The following KCNQ5 variants were observed in gnomAD, a reference collection of about 807,000 sequenced individuals.
KCNQ5 encodes the protein potassium voltage-gated channel subfamily KQT member 5.
KCNQ5 carries 30 observed loss-of-function variants against 98.2 expected under a neutral mutation model. That is an observed-to-expected ratio of 0.31 (90% CI 0.23 to 0.41). The LOEUF is 0.41. KCNQ5 is among the 10% of genes least tolerant of loss of function. The probability of loss-of-function intolerance (pLI) is 1.00; values close to 1 mark genes in which losing one functional copy is unlikely to be tolerated. For missense variants in KCNQ5, 835 were observed against 1,182.5 expected (o/e 0.71, Z 4.31); for synonymous variants, 458 against 449.4 (o/e 1.02, Z -0.24).
chr6:72,748,255 A>G (rs941962222), intron 1 of KCNQ5, among the ~76,000 whole-genome samples: 1 of 152,094 alleles, frequency 6.6e-6, no homozygotes, highest in Non-Finnish European at 1.5e-5. Context: ...AAAGAGATGG[A>G]ATCAAGCTAA....
intron 1 of KCNQ5, among the ~76,000 whole-genome samples, chr6:72,783,236 C>G (rs1773576701): frequency 6.6e-6 from 1 of 151,972 alleles, no homozygotes; most frequent in African/African-American, 2.4e-5. Context: ...CAAAGCTGAC[C>G]TATAAAATAT....
intron 5 of KCNQ5, among the ~76,000 whole-genome samples, chr6:73,088,561 A>G (rs932358542): frequency 6.6e-6 from 1 of 152,084 alleles, no homozygotes; most frequent in African/African-American, 2.4e-5. Flanking sequence ...TTGTAATCTC[A>G]GTTATGCACA....
chr6:72,964,808 C>T (rs1405221707), intron 1 of KCNQ5, among the ~76,000 whole-genome samples: 1 of 152,164 alleles, frequency 6.6e-6, no homozygotes, highest in Admixed American at 6.5e-5. Flanking sequence ...AAATTTTAGT[C>T]TCCCAACATT....
At chr6:72,832,604 T>C (rs1465340694) in intron 1 of KCNQ5, among the ~76,000 whole-genome samples, 2 of 152,176 alleles carry the variant, frequency 1.3e-5, no homozygotes, top group African/African-American at 2.4e-5. Context: ...TCAAGCAAAC[T>C]GTCTCCTAAA....
At chr6:72,696,670 G>A (rs904399311) in intron 1 of KCNQ5, among the ~76,000 whole-genome samples, 1 of 152,024 alleles carries the variant, frequency 6.6e-6, no homozygotes, top group Admixed American at 6.6e-5. Context: ...AGAAAATCTT[G>A]CATATTAAAA....
chr6:72,855,334 C>G (rs1160175650), intron 1 of KCNQ5, among the ~76,000 whole-genome samples: 1 of 151,206 alleles, frequency 6.6e-6, no homozygotes, highest in Non-Finnish European at 1.5e-5. Flanking sequence ...TCTAGTTACA[C>G]TAAATACATT....
intron 1 of KCNQ5, among the ~76,000 whole-genome samples, chr6:72,853,184 C>T (rs1354181292): frequency 6.6e-6 from 1 of 152,170 alleles, no homozygotes; most frequent in African/African-American, 2.4e-5. Context: ...CATCTTATGT[C>T]CCCTTCTTCC....
At chr6:72,763,902 G>C (rs921084694) in intron 1 of KCNQ5, among the ~76,000 whole-genome samples, 1 of 151,950 alleles carries the variant, frequency 6.6e-6, no homozygotes, top group African/African-American at 2.4e-5. Context: ...CCTTGAGAAA[G>C]TATGTAATCC....
chr6:72,912,934 C>T (rs1419051291), intron 1 of KCNQ5, among the ~76,000 whole-genome samples: 1 of 152,034 alleles, frequency 6.6e-6, no homozygotes, highest in African/African-American at 2.4e-5. Context: ...GGGAGAGGAT[C>T]AGGAGAAATA....
chr6:72,711,647 G>C (rs1769373875), intron 1 of KCNQ5, among the ~76,000 whole-genome samples: 1 of 152,184 alleles, frequency 6.6e-6, no homozygotes, highest in Non-Finnish European at 1.5e-5. Flanking sequence ...GTGGAGAATT[G>C]GAGTAGGGAA....
chr6:73,013,139 T>G (rs1770161455), intron 2 of KCNQ5, among the ~76,000 whole-genome samples: 1 of 152,138 alleles, frequency 6.6e-6, no homozygotes, highest in Admixed American at 6.6e-5. Context: ...CAATCACTGT[T>G]AATTATGGAA....
intron 5 of KCNQ5, among the ~76,000 whole-genome samples, chr6:73,104,024 A>G (rs1054978597): frequency 9.9e-5 from 15 of 152,084 alleles, no homozygotes; most frequent in African/African-American, 3.6e-4. Context: ...TTATTAATAA[A>G]TTATTAGTTT....
chr6:72,861,374 A>G (rs1208755331), intron 1 of KCNQ5, among the ~76,000 whole-genome samples: 1 of 152,178 alleles, frequency 6.6e-6, no homozygotes, highest in Non-Finnish European at 1.5e-5. Flanking sequence ...TATGTAGAAG[A>G]AAGACCAGTG....
At chr6:72,933,539 A>G (rs1250000120) in intron 1 of KCNQ5, among the ~76,000 whole-genome samples, 1 of 152,148 alleles carries the variant, frequency 6.6e-6, no homozygotes, top group African/African-American at 2.4e-5. Context: ...GTACTTATTA[A>G]TGATCTGTCA....
intron 10 of KCNQ5, among the ~76,000 whole-genome samples, chr6:73,153,076 C>T (rs1325641387): frequency 1.3e-5 from 2 of 152,106 alleles, no homozygotes; most frequent in South Asian, 2.1e-4. Flanking sequence ...AGAGATTGCA[C>T]GCAACCTTCC....
intron 1 of KCNQ5, among the ~76,000 whole-genome samples, chr6:72,655,027 T>TCTTTCCTC: frequency 2.9e-5 from 1 of 34,946 alleles, no homozygotes; most frequent in Admixed American, 2.6e-4. Context: ...GGTCTGTCTG[T>TCTTTCCTC]CTTTCTTTCT....
intron 1 of KCNQ5, among the ~76,000 whole-genome samples, chr6:72,703,667 C>T (rs1028178888): frequency 4.6e-5 from 7 of 152,062 alleles, no homozygotes; most frequent in East Asian, 1.9e-4. Context: ...GTGGTGTAGA[C>T]GTATGTCAGT....
At chr6:73,170,159 T>C (rs907538426) in intron 11 of KCNQ5, among the ~76,000 whole-genome samples, 8 of 152,196 alleles carry the variant, frequency 5.3e-5, no homozygotes, top group Non-Finnish European at 8.8e-5. Context: ...ATTGATGCAA[T>C]TGGATTTTTT....
At chr6:73,115,585 A>G (rs959355618) in intron 7 of KCNQ5, among the ~76,000 whole-genome samples, 1 of 152,222 alleles carries the variant, frequency 6.6e-6, no homozygotes, top group Non-Finnish European at 1.5e-5. Context: ...AGGATTTCTC[A>G]TTAGTAATCC....
Sources: allele counts gnomAD v4.1 joint callset (sites outside exome capture counted in the v4.1 genomes callset), GRCh38; gene constraint gnomAD v4.1.1; transcripts MANE v1.5; gene names NCBI Gene and HGNC (gene_info 2026-07-23, HGNC 2026-07-21).